LRFN5: variants seen among roughly 807,000 people sequenced by gnomAD.
LRFN5 encodes leucine rich repeat and fibronectin type III domain containing 5, also known as leucine-rich repeat and fibronectin type-III domain-containing protein 5.
A neutral mutation model predicts 45.6 loss-of-function variants in LRFN5; 24 were observed. That is an observed-to-expected ratio of 0.53 (90% CI 0.38 to 0.74). The LOEUF (loss-of-function observed/expected upper bound fraction) is 0.74. Among genes scored for constraint, LRFN5 ranks in the 30% least tolerant of loss-of-function variants. The pLI is 0.00. For synonymous variants in LRFN5, 340 were observed against 313.8 expected (o/e 1.08, Z -0.88); for missense variants, 776 against 861.5 (o/e 0.90, Z 1.24).
chr14:41,890,605 G>C (rs1344227147), intron 3 of LRFN5, among the ~76,000 whole-genome samples: 1 of 151,676 alleles, frequency 6.6e-6, no homozygotes, highest in Non-Finnish European at 1.5e-5. Flanking sequence ...TACTCGGCAG[G>C]CTGAGGCAGG....
intron 4 of LRFN5, chr14:41,894,932 C>G: frequency 1.0e-6 from 1 of 983,230 alleles, no homozygotes. Context: ...ATCTGGTTTG[C>G]TGTTTGTTGT....
chr14:41,825,522 T>G (rs761747381), intron 2 of LRFN5, among the ~76,000 whole-genome samples: 2 of 152,218 alleles, frequency 1.3e-5, no homozygotes, highest in Non-Finnish European at 2.9e-5. Context: ...GCACTCACTC[T>G]CTTTCCCCAA....
intron 1 of LRFN5, among the ~76,000 whole-genome samples, chr14:41,729,653 C>A (rs989107898): frequency 1.3e-5 from 2 of 151,840 alleles, no homozygotes; most frequent in Non-Finnish European, 2.9e-5. Context: ...AAAAATAATT[C>A]TTGCATATAT....
intron 1 of LRFN5, among the ~76,000 whole-genome samples, chr14:41,619,049 G>A (rs1248688547): frequency 5.4e-3 from 1 of 184 alleles, no homozygotes; most frequent in East Asian, 0.05. Context: ...TGTGCTAGGA[G>A]TAATTTCACC....
intron 1 of LRFN5, among the ~76,000 whole-genome samples, chr14:41,726,777 C>T (rs927503851): frequency 6.6e-6 from 1 of 151,880 alleles, no homozygotes; most frequent in African/African-American, 2.4e-5. Context: ...TTTACTAAAA[C>T]GACTAAAATG....
intron 1 of LRFN5, among the ~76,000 whole-genome samples, chr14:41,676,518 CAAAG>C: frequency 6.6e-6 from 1 of 151,958 alleles, no homozygotes; most frequent in East Asian, 1.9e-4. Flanking sequence ...AACAAAATGT[CAAAG>C]AAACAAAAAA....
intron 2 of LRFN5, among the ~76,000 whole-genome samples, chr14:41,775,339 T>C (rs1182087169): frequency 1.3e-5 from 2 of 152,042 alleles, no homozygotes; most frequent in Non-Finnish European, 2.9e-5. Flanking sequence ...TCCGCCCACC[T>C]CCGCCTTCCA....
At chr14:41,643,068 A>G (rs576073515) in intron 1 of LRFN5, among the ~76,000 whole-genome samples, 6 of 152,292 alleles carry the variant, frequency 3.9e-5, no homozygotes, top group Non-Finnish European at 7.4e-5. Flanking sequence ...ATTCATCTTA[A>G]CTGACTTATA....
intron 1 of LRFN5, among the ~76,000 whole-genome samples, chr14:41,727,334 T>G (rs1253377303): frequency 2.6e-5 from 4 of 152,170 alleles, no homozygotes; most frequent in Non-Finnish European, 4.4e-5. Flanking sequence ...CCAGGCCTCA[T>G]GGCTCCAAGT....
At chr14:41,631,140 T>G (rs1226235422) in intron 1 of LRFN5, among the ~76,000 whole-genome samples, 1 of 152,202 alleles carries the variant, frequency 6.6e-6, no homozygotes, top group East Asian at 1.9e-4. Context: ...CTGACATTCA[T>G]AGCCCTCCAA....
intron 1 of LRFN5, among the ~76,000 whole-genome samples, chr14:41,679,521 T>C (rs1402280623): frequency 1.3e-5 from 2 of 152,082 alleles, no homozygotes; most frequent in Non-Finnish European, 2.9e-5. Flanking sequence ...AGGGAACATG[T>C]TGTCTTTGAA....
chr14:41,706,443 T>C (rs1277324171), intron 1 of LRFN5, among the ~76,000 whole-genome samples: 1 of 151,618 alleles, frequency 6.6e-6, no homozygotes, highest in Non-Finnish European at 1.5e-5. Flanking sequence ...TTTTTTAAAA[T>C]TTTTTATTTT....
At chr14:41,796,767 A>G (rs1357361675) in intron 2 of LRFN5, among the ~76,000 whole-genome samples, 2 of 151,870 alleles carry the variant, frequency 1.3e-5, no homozygotes, top group African/African-American at 2.4e-5. Flanking sequence ...ATTTTCGCCC[A>G]TCTGATGGTT....
chr14:41,685,363 C>T (rs551710695), intron 1 of LRFN5, among the ~76,000 whole-genome samples: 3 of 152,148 alleles, frequency 2.0e-5, no homozygotes, highest in Non-Finnish European at 4.4e-5. Flanking sequence ...TTTATTGAAG[C>T]GCTGTTCACA....
chr14:41,610,525 G>A (rs2138534993), intron 1 of LRFN5, among the ~76,000 whole-genome samples: 1 of 151,566 alleles, frequency 6.6e-6, no homozygotes, highest in Admixed American at 6.6e-5. Flanking sequence ...CCCAATAAAC[G>A]TGAAAGAGGA....
At chr14:41,766,320 A>C (rs913495417) in intron 1 of LRFN5, among the ~76,000 whole-genome samples, 19 of 152,180 alleles carry the variant, frequency 1.2e-4, no homozygotes, top group Admixed American at 5.9e-4. Flanking sequence ...CATAAAGTTA[A>C]AAAATAAATG....
At chr14:41,836,490 A>G (rs1888667171) in intron 2 of LRFN5, among the ~76,000 whole-genome samples, 1 of 143,076 alleles carries the variant, frequency 7.0e-6, no homozygotes, top group South Asian at 2.2e-4. Context: ...ATGCACGTAT[A>G]TATTTGTTAT....
At chr14:41,711,920 T>C (rs903145055) in intron 1 of LRFN5, among the ~76,000 whole-genome samples, 2 of 152,204 alleles carry the variant, frequency 1.3e-5, no homozygotes, top group African/African-American at 4.8e-5. Flanking sequence ...AAATGATGCT[T>C]AGGAATTGTA....
intron 1 of LRFN5, among the ~76,000 whole-genome samples, chr14:41,629,732 A>G (rs1340436436): frequency 6.6e-6 from 1 of 152,188 alleles, no homozygotes; most frequent in African/African-American, 2.4e-5. Flanking sequence ...CAGTGCTTCA[A>G]AGTTGAAGTT....
Sources: allele counts gnomAD v4.1 joint callset (sites outside exome capture counted in the v4.1 genomes callset), GRCh38; gene constraint gnomAD v4.1.1; transcripts MANE v1.5; gene names NCBI Gene and HGNC (gene_info 2026-07-23, HGNC 2026-07-21).